Variants in DACH2 observed in about 807,000 individuals in gnomAD.
DACH2 encodes the protein dachshund homolog 2.
A neutral mutation model predicts 35.8 loss-of-function variants in DACH2; 17 were observed. That is an observed-to-expected ratio of 0.48 (90% CI 0.33 to 0.71). The LOEUF (loss-of-function observed/expected upper bound fraction) is 0.71, where lower values mean the gene tolerates loss of function less well. Ranked by LOEUF, DACH2 falls within the 30% of genes least tolerant of loss-of-function variation. The pLI is 0.02. For synonymous variants in DACH2, 195 were observed against 177.3 expected (o/e 1.10, Z -0.79); for missense variants, 469 against 472.7 (o/e 0.99, Z 0.07).
chrX:86,269,245 T>C (rs1024309998), intron 1 of DACH2, among the ~76,000 whole-genome samples: 10 of 111,749 alleles, frequency 8.9e-5, no homozygotes, highest in Non-Finnish European at 9.4e-5. Context: ...GTTTGCAATG[T>C]TTATCTTTCT....
chrX:86,449,276 G>T (rs1223568011), intron 2 of DACH2, among the ~76,000 whole-genome samples: 1 of 78,395 alleles, frequency 1.3e-5, no homozygotes, highest in Non-Finnish European at 2.4e-5. Flanking sequence ...TTTTTGAAGG[G>T]TTTTTTGTGT....
intron 3 of DACH2, among the ~76,000 whole-genome samples, chrX:86,576,782 G>A (rs966017170): frequency 1.8e-5 from 2 of 110,869 alleles, no homozygotes; most frequent in Non-Finnish European, 3.8e-5. Context: ...TCCCTTGGGG[G>A]TGAGCTCTCT....
intron 3 of DACH2, among the ~76,000 whole-genome samples, chrX:86,552,769 T>C (rs192064957): frequency 9.0e-6 from 1 of 111,591 alleles, no homozygotes; most frequent in East Asian, 2.8e-4. Context: ...TTTTTAATAA[T>C]TGACATTCCT....
chrX:86,278,399 G>A lies in DACH2; in HGVS notation c.489-98425G>A, dbSNP rs963710539. Among the ~76,000 whole-genome samples the A allele has an allele frequency of 2.7e-5, 3 of 111,556 alleles. No individual in the cohort carries two copies. In the Admixed American group the frequency reaches 2.9e-4, roughly 11 times the overall value. On this transcript the variant is annotated intron_variant, in intron 1 of 11. Coordinates refer to ENST00000373125, the MANE Select transcript of DACH2 (RefSeq NM_053281.3). Reference sequence around the variant, plus strand: ...TTCAAGCATCTTGACCACTTTTTGCGGGGCAAATGCATCCACAACCAGCAG... The same window carrying A: ...TTCAAGCATCTTGACCACTTTTTGCAGGGCAAATGCATCCACAACCAGCAG...
At chrX:86,801,213 A>G (rs1436750045) in intron 7 of DACH2, among the ~76,000 whole-genome samples, 1 of 95,732 alleles carries the variant, frequency 1.0e-5, no homozygotes, top group African/African-American at 4.3e-5. Flanking sequence ...CAGTGCATCA[A>G]TTTTTTTTTT....
At chrX:86,438,287 G>C (rs1182551014) in intron 2 of DACH2, among the ~76,000 whole-genome samples, 2 of 100,462 alleles carry the variant, frequency 2.0e-5, no homozygotes, top group Non-Finnish European at 4.0e-5. Flanking sequence ...GCAATGGCGT[G>C]ATCTTGGCTC....
chrX:86,482,974 A>G (rs2037962019), intron 2 of DACH2, among the ~76,000 whole-genome samples: 1 of 71,806 alleles, frequency 1.4e-5, no homozygotes. Flanking sequence ...GGAACATCAC[A>G]CTCTGGGGAC....
chrX:86,329,440 TGA>T (rs924617004), intron 1 of DACH2, among the ~76,000 whole-genome samples: 9 of 111,500 alleles, frequency 8.1e-5, no homozygotes, highest in African/African-American at 2.3e-4. Context: ...CCCTTTTCAT[TGA>T]GAGAGTTTCT....
At chrX:86,585,975 T>A (rs935541416) in intron 3 of DACH2, among the ~76,000 whole-genome samples, 1 of 111,895 alleles carries the variant, frequency 8.9e-6, no homozygotes. Context: ...TTAAGTTCTT[T>A]GAAAAATTGA....
At chrX:86,261,818 G>A (rs1417254421) in intron 1 of DACH2, among the ~76,000 whole-genome samples, 1 of 111,335 alleles carries the variant, frequency 9.0e-6, no homozygotes, top group Admixed American at 9.6e-5. Context: ...TGCACTGTAA[G>A]CTGTCTTTTC....
intron 1 of DACH2, among the ~76,000 whole-genome samples, chrX:86,326,691 C>T (rs770883543): frequency 1.8e-5 from 2 of 110,922 alleles, no homozygotes; most frequent in Non-Finnish European, 3.8e-5. Flanking sequence ...CTTCTCCCTC[C>T]TTGTCCCTCC....
At chrX:86,483,075 A>T (rs779305493) in intron 2 of DACH2, among the ~76,000 whole-genome samples, 8 of 107,043 alleles carry the variant, frequency 7.5e-5, no homozygotes, top group Admixed American at 4.1e-4. Flanking sequence ...CCAGCATGGC[A>T]CATGTATACG....
intron 3 of DACH2, among the ~76,000 whole-genome samples, chrX:86,638,637 G>T (rs2040308004): frequency 9.0e-6 from 1 of 111,595 alleles, no homozygotes; most frequent in Non-Finnish European, 1.9e-5. Flanking sequence ...CATACAAATG[G>T]CAAACAAGCA....
chrX:86,519,200 A>G (rs145620818), intron 3 of DACH2, among the ~76,000 whole-genome samples: 7,081 of 112,195 alleles, frequency 0.063, 569 homozygotes, highest in African/African-American at 0.22. Context: ...AATCACATCT[A>G]TTGATTTCAA....
At chrX:86,766,181 C>T (rs1408465787) in intron 7 of DACH2, among the ~76,000 whole-genome samples, 1 of 111,375 alleles carries the variant, frequency 9.0e-6, no homozygotes, top group African/African-American at 3.3e-5. Context: ...CCCATGCCCA[C>T]ACCTTTAACT....
At chrX:86,768,253 T>G (rs1360066277) in intron 7 of DACH2, among the ~76,000 whole-genome samples, 1 of 111,705 alleles carries the variant, frequency 9.0e-6, no homozygotes, top group Non-Finnish European at 1.9e-5. Context: ...AGCAAAGTAA[T>G]TACAATTGAA....
intron 1 of DACH2, among the ~76,000 whole-genome samples, chrX:86,174,673 T>A (rs2031246221): frequency 9.0e-6 from 1 of 111,084 alleles, no homozygotes; most frequent in Non-Finnish European, 1.9e-5. Context: ...TTTCTTCAAT[T>A]CTTTTCTTTT....
chrX:86,471,345 AT>A (rs2037758010), intron 2 of DACH2, among the ~76,000 whole-genome samples: 1 of 111,428 alleles, frequency 9.0e-6, no homozygotes, highest in African/African-American at 3.3e-5. Flanking sequence ...CATAGACTAT[AT>A]TGATATATAG....
intron 2 of DACH2, among the ~76,000 whole-genome samples, chrX:86,423,262 T>C (rs962861017): frequency 1.8e-5 from 2 of 111,249 alleles, no homozygotes; most frequent in African/African-American, 6.5e-5. Flanking sequence ...CCACAGTGGT[T>C]GTACTAATTT....
Sources: gnomAD v4.1 joint callset for allele counts (sites outside exome capture counted in the v4.1 genomes callset) on GRCh38, gnomAD v4.1.1 for gene constraint, MANE v1.5 for transcripts, NCBI Gene and HGNC (gene_info 2026-07-23, HGNC 2026-07-21) for gene names.